The following VPS13B variants were observed in gnomAD, a reference collection of about 807,000 sequenced individuals.
The protein encoded by VPS13B is vacuolar protein sorting 13 homolog B.
Under a neutral mutation model 426.4 loss-of-function variants are expected in VPS13B, and 285 were observed. The observed-to-expected ratio is 0.67, with a 90% confidence interval of 0.61 to 0.74. VPS13B has a LOEUF of 0.74. VPS13B is among the 30% of genes least tolerant of loss of function. The probability of loss-of-function intolerance (pLI) is 0.00; values close to 1 mark genes in which losing one functional copy is unlikely to be tolerated. For missense variants in VPS13B, 4,537 were observed against 4,782.6 expected, an observed-to-expected ratio of 0.95 and a Z score of 1.51; for synonymous variants, 1,676 against 1,676.4, an observed-to-expected ratio of 1.00 and a Z score of 0.01.
intron 43 of VPS13B, among the ~76,000 whole-genome samples, chr8:99,807,952 C>T (rs577187225): frequency 2.7e-5 from 4 of 149,328 alleles, no homozygotes; most frequent in Non-Finnish European, 5.9e-5. Flanking sequence ...TAAATTTAAG[C>T]ATGTTATCAG....
intron 16 of VPS13B, among the ~76,000 whole-genome samples, chr8:99,171,277 A>G (rs188127698): frequency 3.9e-5 from 6 of 152,038 alleles, no homozygotes; most frequent in African/African-American, 1.4e-4. Context: ...GGTATGTTGC[A>G]TTTGAGTCAA....
chr8:99,757,362 C>T (rs1053018790), intron 39 of VPS13B, among the ~76,000 whole-genome samples: 5 of 152,116 alleles, frequency 3.3e-5, no homozygotes, highest in Non-Finnish European at 7.4e-5. Flanking sequence ...CCCTCTCTAC[C>T]TACCAACTCT....
rs145628318 is a variant in VPS13B, at chr8:99,134,788, A to T, written c.1302+61A>T. Reference sequence around the variant, plus strand: ...TTTTGTTCTTTAATATTTTATAAATACCTGTTTTTATCAGATGTAGTGTAT... The same window carrying T: ...TTTTGTTCTTTAATATTTTATAAATTCCTGTTTTTATCAGATGTAGTGTAT... On this transcript the variant is annotated intron_variant, in intron 9 of 61. Transcript: ENST00000357162. 38 of 1,374,070 alleles carry T rather than the reference A, an allele frequency of 2.8e-5. No homozygotes were observed. The African/African-American group carries it at 3.9e-4, about 14-fold the overall frequency. The allele number at this position is 1,374,070 out of a possible 1,614,324, so 85.1% of individuals were successfully genotyped here. A position where few individuals can be genotyped will look rare whatever the true frequency, so the allele number is the denominator to read the frequency against.
chr8:99,184,620 A>G (rs1813117139), intron 16 of VPS13B, among the ~76,000 whole-genome samples: 1 of 152,234 alleles, frequency 6.6e-6, no homozygotes, highest in Non-Finnish European at 1.5e-5. Context: ...AAATGTTAAC[A>G]TATTTTTATA....
intron 17 of VPS13B, among the ~76,000 whole-genome samples, chr8:99,204,880 A>C (rs1814596759): frequency 6.6e-6 from 1 of 152,226 alleles, no homozygotes. Flanking sequence ...GATGTGGAGA[A>C]ATAGAAATGC....
Position 99,861,788 on chromosome 8 carries a change from C to T in VPS13B, c.11057C>T (p.Ser3686Phe). 2 of 1,595,364 alleles carry T rather than the reference C, an allele frequency of 1.3e-6. No individual in the cohort carries two copies. Among genetic ancestry groups the T allele is most frequent in the South Asian group, 1.1e-5 (1 of 87,678 alleles). The change falls in exon 58 of 62, where the codon TCC (serine) becomes TTC (phenylalanine). Residue 3686 changes from serine (S) to phenylalanine (F), a missense_variant. Physicochemically the swap from Ser to Phe is radical, Grantham distance 155 (BLOSUM62 -2). Around this residue, in one of 2 missense-constraint regions of VPS13B, gnomAD observed 4,311 missense variants for 4,474.3 expected, o/e 0.96. Transcript: ENST00000357162. The part of the protein sequence containing the change: ...VKHISKGTLT[S>F]ITNLATSLAR... ...CTTGTTCCCTCAGGTACCCTCACAT[C>T]CATCACCAACCTCGCCACAAGCCTG...
At chr8:99,645,238 T>C (rs1829535012) in intron 34 of VPS13B, among the ~76,000 whole-genome samples, 2 of 152,224 alleles carry the variant, frequency 1.3e-5, no homozygotes, top group African/African-American at 4.8e-5. Context: ...ATGGAAAACC[T>C]GGGTTCAAAT....
chr8:99,625,254 A>C lies in VPS13B; in HGVS notation c.5221-16557A>C, dbSNP rs796681749. ...AGAATAAAATAAATTATTACTAAGT[A>C]AGTCAAGACAATACTCATGAAATAG... On this transcript the variant is annotated intron_variant, in intron 33 of 61. Coordinates refer to ENST00000357162, the MANE Select transcript of VPS13B (RefSeq NM_152564.5). 6.6e-5 allele frequency among the ~76,000 whole-genome samples: 10 copies of C among 152,320 alleles called. 1 individual carries two copies. The highest frequency in any genetic ancestry group is 2.2e-4 in the African/African-American group (9 of 41,560).
intron 33 of VPS13B, among the ~76,000 whole-genome samples, chr8:99,607,784 T>C (rs1215770205): frequency 6.6e-6 from 1 of 152,116 alleles, no homozygotes; most frequent in African/African-American, 2.4e-5. Flanking sequence ...AAAATTAAAA[T>C]GGGACATTTA....
chr8:99,440,795 G>T (rs966124068), intron 22 of VPS13B, among the ~76,000 whole-genome samples: 1 of 151,994 alleles, frequency 6.6e-6, no homozygotes, highest in African/African-American at 2.4e-5. Flanking sequence ...GCATGTGGTT[G>T]TGTATGGTAG....
At chr8:99,223,493 C>T (rs77076795) in intron 17 of VPS13B, among the ~76,000 whole-genome samples, 9,763 of 152,050 alleles carry the variant, frequency 0.064, 445 homozygotes, top group Non-Finnish European at 0.1. Flanking sequence ...GAGACATTAG[C>T]GAACAGAGAA....
chr8:99,102,948 T>C lies in VPS13B; in HGVS notation c.413-5T>C, dbSNP rs1846839473. 5 of 1,598,568 alleles carry C rather than the reference T, an allele frequency of 3.1e-6. No individual in the cohort carries two copies. The highest frequency in any genetic ancestry group is 2.7e-5 in the African/African-American group (2 of 74,746). The stretch of plus-strand genomic sequence containing the variant: ...CTAATTAAATTCTTTTTTTCTATTT[T>C]ATAGGTTATGTGCAGAGTCTGATTA... On this transcript the variant is annotated splice_polypyrimidine_tract_variant and splice_region_variant and intron_variant, in intron 4 of 61. Transcript: ENST00000357162.
intron 17 of VPS13B, among the ~76,000 whole-genome samples, chr8:99,243,478 C>CT (rs201090166): frequency 1.2e-4 from 18 of 147,690 alleles, no homozygotes; most frequent in Admixed American, 2.7e-4. Flanking sequence ...TAATAGTTGA[C>CT]TTTTTTTTTT....
intron 19 of VPS13B, among the ~76,000 whole-genome samples, chr8:99,312,036 T>C: frequency 6.6e-6 from 1 of 152,204 alleles, no homozygotes; most frequent in East Asian, 1.9e-4. Context: ...TAGATCTTCC[T>C]CCATCCCTTT....
intron 2 of VPS13B, among the ~76,000 whole-genome samples, chr8:99,030,915 A>T (rs1379068680): frequency 1.3e-5 from 2 of 152,224 alleles, no homozygotes; most frequent in South Asian, 4.1e-4. Flanking sequence ...TTAAATGTAC[A>T]TATAACCTAC....
At chr8:99,294,660 T>A (rs964257060) in intron 19 of VPS13B, among the ~76,000 whole-genome samples, 1 of 152,176 alleles carries the variant, frequency 6.6e-6, no homozygotes, top group African/African-American at 2.4e-5. Context: ...TTAAAGCTGT[T>A]ACTCTGGAAT....
At chr8:99,090,645 G>T (rs926518477) in intron 3 of VPS13B, among the ~76,000 whole-genome samples, 8 of 152,006 alleles carry the variant, frequency 5.3e-5, no homozygotes, top group African/African-American at 1.9e-4. Flanking sequence ...CTTAGATAAA[G>T]GTATCAATTT....
At chr8:99,534,286 G>T (rs1176413566) in intron 30 of VPS13B, among the ~76,000 whole-genome samples, 1 of 152,074 alleles carries the variant, frequency 6.6e-6, no homozygotes, top group Non-Finnish European at 1.5e-5. Flanking sequence ...TCTATTTACT[G>T]CCAAAAGCTA....
intron 21 of VPS13B, among the ~76,000 whole-genome samples, chr8:99,403,974 T>A (rs1322185615): frequency 6.6e-6 from 1 of 152,204 alleles, no homozygotes; most frequent in Admixed American, 6.5e-5. Flanking sequence ...GGCTTTGTTT[T>A]AGTTTTTTTA....
Sources: allele counts gnomAD v4.1 joint callset (sites outside exome capture counted in the v4.1 genomes callset), GRCh38; gene constraint gnomAD v4.1.1; regional missense constraint gnomAD v4.1.1; transcripts MANE v1.5; gene names NCBI Gene and HGNC (gene_info 2026-07-23, HGNC 2026-07-21).